Variants in KCTD7 observed in about 807,000 individuals in gnomAD.
KCTD7 encodes the protein BTB/POZ domain-containing protein KCTD7.
KCTD7 carries 15 observed loss-of-function variants against 27.0 expected under a neutral mutation model. The ratio of observed to expected loss-of-function variants is 0.56; its 90% CI spans 0.37 to 0.86. The LOEUF is 0.86. Ranked by LOEUF, KCTD7 falls within the 40% of genes least tolerant of loss-of-function variation. The pLI, the probability that KCTD7 is intolerant of heterozygous loss-of-function variation, is 0.00. For missense variants in KCTD7, 299 were observed against 398.9 expected (o/e 0.75, Z 2.13); for synonymous variants, 159 against 162.7 (o/e 0.98, Z 0.17).
At chr7:66,634,712 TC>T (rs1172645107) in intron 2 of KCTD7, among the ~76,000 whole-genome samples, 1 of 151,782 alleles carries the variant, frequency 6.6e-6, no homozygotes, top group African/African-American at 2.4e-5. Context: ...CAGACTTCTT[TC>T]AGTAGTTTAA....
At chr7:66,634,115 T>TATATATAC (rs1554397951) in intron 2 of KCTD7, among the ~76,000 whole-genome samples, 9 of 101,500 alleles carry the variant, frequency 8.9e-5, no homozygotes, top group Admixed American at 2.4e-4. Context: ...TGTGTATACA[T>TATATATAC]ATATATATAT....
At chr7:66,630,330 C>G (rs1786417123) in intron 1 of KCTD7, among the ~76,000 whole-genome samples, 1 of 152,126 alleles carries the variant, frequency 6.6e-6, no homozygotes, top group African/African-American at 2.4e-5. Flanking sequence ...GTGGCTTACA[C>G]TTGTAATCCC....
chr7:66,633,937 G>A (rs1270841280), intron 2 of KCTD7, among the ~76,000 whole-genome samples: 4 of 151,852 alleles, frequency 2.6e-5, no homozygotes, highest in Admixed American at 6.6e-5. Context: ...GCAGTGACCC[G>A]AGATCACGCC....
chr7:66,640,247 A>C lies in KCTD7; in HGVS notation c.*1015A>C. On this transcript the variant is annotated 3_prime_UTR_variant, in exon 4 of 4. Coordinates refer to ENST00000639828, the MANE Select transcript of KCTD7 (RefSeq NM_153033.5). Reference sequence around the variant, plus strand: ...GAAGGTAAAGGAAGGGCTGGGTGAGACACACAGCTATCCTAGGAGCCGTAG... The same window carrying C: ...GAAGGTAAAGGAAGGGCTGGGTGAGCCACACAGCTATCCTAGGAGCCGTAG... 1 of 1,478,934 alleles carries C rather than the reference A, an allele frequency of 6.8e-7. No homozygotes were observed. The highest frequency in any genetic ancestry group is 8.9e-7 in the Non-Finnish European group (1 of 1,120,748). The allele number at this position is 1,478,934 out of a possible 1,614,324, so 91.6% of individuals were successfully genotyped here.
chr7:66,633,191 A>T, intron 1 of KCTD7, 84 bp from the exon 2 acceptor site: 1 of 1,404,796 alleles, frequency 7.1e-7, no homozygotes, highest in East Asian at 2.3e-5. Context: ...TGTGGCACCA[A>T]TCAGACCCCA....
At chr7:66,643,104 C>A (rs1304552924), downstream of KCTD7, 1 of 985,338 alleles carries the variant, frequency 1.0e-6, no homozygotes, top group Non-Finnish European at 1.2e-6. Flanking sequence ...CTCTGACCCC[C>A]ACTTTGCCAG....
chr7:66,639,336 C>T lies in KCTD7; in HGVS notation c.*104C>T, dbSNP rs922098847. 7.6e-6 allele frequency: 12 copies of T among 1,585,544 alleles called. No homozygotes were observed. In the Admixed American group the frequency reaches 8.5e-5, roughly 11 times the overall value. On this transcript the variant is annotated 3_prime_UTR_variant, in exon 4 of 4. Coordinates refer to ENST00000639828, the MANE Select transcript of KCTD7 (RefSeq NM_153033.5). ...GGCTGCTGACTGCCCCAGAATCTGC[C>T]GAGGTGAGAACAGCATCCTGAGGCA...
intron 2 of KCTD7, among the ~76,000 whole-genome samples, chr7:66,636,784 GAAA>G (rs1001285171): frequency 6.6e-6 from 1 of 151,612 alleles, no homozygotes; most frequent in Non-Finnish European, 1.5e-5. Context: ...TAAAAAAGAA[GAAA>G]AAAAATCTGA....
At chr7:66,629,508 G>A (rs1386289749) in intron 1 of KCTD7, among the ~76,000 whole-genome samples, 6 of 152,170 alleles carry the variant, frequency 3.9e-5, no homozygotes, top group South Asian at 4.2e-4. Context: ...AAGACAGGAG[G>A]GAGGGTGGGC....
chr7:66,636,357 A>C (rs1453440708), intron 2 of KCTD7, among the ~76,000 whole-genome samples: 1 of 151,960 alleles, frequency 6.6e-6, no homozygotes, highest in East Asian at 1.9e-4. Context: ...CTACTTGAGC[A>C]AGCATGTTCC....
In KCTD7 at chr7:66,640,609, T is replaced by TA; in HGVS notation, c.*1377_*1378insA. Reference sequence around the variant, plus strand: ...CTTCCTGGGTAAAGGGAGATTTTTTTTTTTAATGTGTAAAGAATTGATGCG... The same window carrying TA: ...CTTCCTGGGTAAAGGGAGATTTTTTTATTTTAATGTGTAAAGAATTGATGCG... On this transcript the variant is annotated 3_prime_UTR_variant, in exon 4 of 4. Coordinates refer to ENST00000639828, the MANE Select transcript of KCTD7 (RefSeq NM_153033.5). The TA allele has an allele frequency of 7.2e-7, 1 of 1,393,910 alleles. No homozygotes were observed. Among genetic ancestry groups the TA allele is most frequent in the Non-Finnish European group, 9.3e-7 (1 of 1,079,114 alleles). The allele number at this position is 1,393,910 out of a possible 1,614,324, so 86.3% of individuals were successfully genotyped here.
chr7:66,634,230 A>C lies in KCTD7; in HGVS notation c.314+786A>C, dbSNP rs926681456. Among the ~76,000 whole-genome samples, 8 of 110,980 alleles carry C rather than the reference A, an allele frequency of 7.2e-5. No individual in the cohort carries two copies. The South Asian group carries it at 9.6e-4, about 13-fold the overall frequency. The allele number at this position is 110,980 out of a possible 152,430, so 72.8% of individuals were successfully genotyped here. On this transcript the variant is annotated intron_variant, in intron 2 of 3. Coordinates refer to ENST00000639828, the MANE Select transcript of KCTD7 (RefSeq NM_153033.5). ...TCTATCTATCTATCTATCTATCTAT[A>C]AAAATAAAGATAGGATCTTGCTGTG...
intron 2 of KCTD7, among the ~76,000 whole-genome samples, chr7:66,637,209 C>A (rs1786608140): frequency 6.6e-6 from 1 of 152,162 alleles, no homozygotes; most frequent in Non-Finnish European, 1.5e-5. Flanking sequence ...CCTCAGCCTC[C>A]AGAGTAGCTG....
In KCTD7 at chr7:66,640,136, AACCTCTTTGGAAGGGGACC is replaced by A. The variant is rs1474483627; in HGVS notation, c.*905_*923del. On this transcript the variant is annotated 3_prime_UTR_variant, in exon 4 of 4. Coordinates refer to ENST00000639828, the MANE Select transcript of KCTD7 (RefSeq NM_153033.5). ...ATGTGTTAGAATCCAGTTTGTGGTG[AACCTCTTTGGAAGGGGACC>A]CCCTCTCTTTAAACCCTGTTCCTCT... 8 of 1,351,754 alleles carry A rather than the reference AACCTCTTTGGAAGGGGACC, an allele frequency of 5.9e-6. No individual in the cohort carries two copies. The African/African-American group carries it at 1.0e-4, about 18-fold the overall frequency. 83.7% of individuals were successfully genotyped at this position (1,351,754 alleles called of 1,614,324 possible).
In KCTD7 at chr7:66,642,898, G is replaced by T. The variant is rs1336772914; in HGVS notation, c.*3666G>T. 1.0e-6 allele frequency: 1 copy of T among 985,310 alleles called. No homozygotes were observed. The highest frequency in any genetic ancestry group is 1.2e-6 in the Non-Finnish European group (1 of 830,000). The allele number at this position is 985,310 out of a possible 1,614,324, so 61.0% of individuals were successfully genotyped here. ...CAGGCAGTCACCTCGAGTGTGGGAG[G>T]TCACCTGGGTCCGTCGTCTTCCTTC... On this transcript the variant is annotated 3_prime_UTR_variant, in exon 4 of 4. Transcript: ENST00000639828.
At position 66,640,580 on chromosome 7, in the gene KCTD7, G is replaced by T; in HGVS notation, c.*1348G>T. 1 of 1,406,472 alleles carries T rather than the reference G, an allele frequency of 7.1e-7. No homozygotes were observed. Among genetic ancestry groups the T allele is most frequent in the Admixed American group, 3.1e-5 (1 of 32,186 alleles). 87.1% of individuals were successfully genotyped at this position (1,406,472 alleles called of 1,614,324 possible). A position where few individuals can be genotyped will look rare whatever the true frequency, so the allele number is the denominator to read the frequency against. On this transcript the variant is annotated 3_prime_UTR_variant, in exon 4 of 4. Coordinates refer to ENST00000639828, the MANE Select transcript of KCTD7 (RefSeq NM_153033.5). ...TCTCTCTCTAATCATGATTGTACCTGTCTCTTCCTGGGTAAAGGGAGATTT... is the reference window on the plus strand; with the variant it reads ...TCTCTCTCTAATCATGATTGTACCTTTCTCTTCCTGGGTAAAGGGAGATTT...
Position 66,628,962 on chromosome 7 carries a change from C to G in KCTD7, c.-103C>G. 1 of 1,238,302 alleles carries G rather than the reference C, an allele frequency of 8.1e-7. No individual in the cohort carries two copies. Among genetic ancestry groups the G allele is most frequent in the Non-Finnish European group, 1.1e-6 (1 of 937,678 alleles). 76.7% of individuals were successfully genotyped at this position (1,238,302 alleles called of 1,614,324 possible). On this transcript the variant is annotated 5_prime_UTR_variant, in exon 1 of 4. Coordinates refer to ENST00000639828, the MANE Select transcript of KCTD7 (RefSeq NM_153033.5). ...GCCTCTCGCCCCCCTCCGGCCAGCCCGCAGCCGGCCGCGTCATGCCAGGCG... is the reference window on the plus strand; with the variant it reads ...GCCTCTCGCCCCCCTCCGGCCAGCCGGCAGCCGGCCGCGTCATGCCAGGCG...
intron 1 of KCTD7, among the ~76,000 whole-genome samples, 165 bp from the exon 2 acceptor site, chr7:66,633,110 G>C (rs1348585114): frequency 6.6e-6 from 1 of 152,014 alleles, no homozygotes; most frequent in African/African-American, 2.4e-5. Flanking sequence ...AGATGATGAG[G>C]GTGGGGCAGA....
At chr7:66,643,087 ATCTCT>A, downstream of KCTD7, 1 of 985,430 alleles carries the variant, frequency 1.0e-6, no homozygotes, top group Non-Finnish European at 1.2e-6. Flanking sequence ...ATGTGCTCTC[ATCTCT>A]TCTCTGACCC....
Sources: gnomAD v4.1 joint callset for allele counts (sites outside exome capture counted in the v4.1 genomes callset) on GRCh38, gnomAD v4.1.1 for gene constraint, MANE v1.5 for transcripts, NCBI Gene and HGNC (gene_info 2026-07-23, HGNC 2026-07-21) for gene names.